Variants in SETBP1 observed in about 807,000 individuals in gnomAD.
SETBP1 encodes the protein SET binding protein 1.
A neutral mutation model predicts 101.0 loss-of-function variants in SETBP1; 9 were observed. The ratio of observed to expected loss-of-function variants is 0.09; its 90% CI spans 0.05 to 0.16. The LOEUF (loss-of-function observed/expected upper bound fraction) is 0.16. Ranked by LOEUF, SETBP1 falls within the 10% of genes least tolerant of loss-of-function variation. The pLI, the probability that SETBP1 is intolerant of heterozygous loss-of-function variation, is 1.00. For synonymous variants in SETBP1, 818 were observed against 788.5 expected (o/e 1.04, Z -0.63); for missense variants, 1,858 against 2,033.8 (o/e 0.91, Z 1.66).
chr18:44,723,929 C>A (rs1466251986), intron 2 of SETBP1, among the ~76,000 whole-genome samples: 1 of 152,198 alleles, frequency 6.6e-6, no homozygotes, highest in Non-Finnish European at 1.5e-5. Flanking sequence ...ATTTACCCTG[C>A]ATAATGCTGC....
intron 1 of SETBP1, among the ~76,000 whole-genome samples, chr18:44,686,098 C>T (rs572570666): frequency 6.6e-6 from 1 of 152,354 alleles, no homozygotes; most frequent in East Asian, 1.9e-4. Context: ...TTTCTAGCCC[C>T]TCTAAAGAAA....
At chr18:44,855,674 G>A (rs1348656958) in intron 2 of SETBP1, among the ~76,000 whole-genome samples, 2 of 152,190 alleles carry the variant, frequency 1.3e-5, no homozygotes, top group Admixed American at 6.5e-5. Flanking sequence ...ATGGAAATTG[G>A]CAAATGCCTC....
chr18:44,753,792 A>T (rs546964832), intron 2 of SETBP1, among the ~76,000 whole-genome samples: 1 of 152,344 alleles, frequency 6.6e-6, no homozygotes, highest in Non-Finnish European at 1.5e-5. Context: ...TGAGGGAGGA[A>T]GGAAAAAGAC....
chr18:44,988,417 C>T lies in SETBP1; in HGVS notation c.4000+35077C>T, dbSNP rs889052615. 3.3e-5 allele frequency: 5 copies of T among 152,308 alleles called. No individual in the cohort carries two copies. In the East Asian group the frequency reaches 9.6e-4, roughly 29 times the overall value. The allele number at this position is 152,308 out of a possible 1,614,324, so 9.4% of individuals were successfully genotyped here. ...ATAAAAGGTTTCTGTTTACAAGATA[C>T]AGCAGGCAAGAAATACTTCAAAACC... On this transcript the variant is annotated intron_variant, in intron 4 of 5. Transcript: ENST00000649279.
intron 2 of SETBP1, among the ~76,000 whole-genome samples, chr18:44,839,813 G>T (rs1432385685): frequency 6.6e-6 from 1 of 152,148 alleles, no homozygotes; most frequent in Non-Finnish European, 1.5e-5. Context: ...ATGAATAGAT[G>T]GACAGATAAA....
intron 2 of SETBP1, among the ~76,000 whole-genome samples, chr18:44,728,775 G>C (rs2069769383): frequency 6.6e-6 from 1 of 152,160 alleles, no homozygotes; most frequent in South Asian, 2.1e-4. Flanking sequence ...AGGAGAACAG[G>C]CATTCCAGGA....
chr18:44,924,060 A>G (rs1358362147), intron 3 of SETBP1, among the ~76,000 whole-genome samples: 1 of 152,040 alleles, frequency 6.6e-6, no homozygotes, highest in Non-Finnish European at 1.5e-5. Context: ...AAAAATCCCT[A>G]CAGTCATCTT....
intron 4 of SETBP1, among the ~76,000 whole-genome samples, chr18:44,997,716 C>A (rs1470885613): frequency 1.3e-5 from 2 of 152,204 alleles, no homozygotes; most frequent in African/African-American, 4.8e-5. Flanking sequence ...CTGGCATCTT[C>A]TAAGCCATAC....
chr18:44,799,338 C>G (rs1299005419), intron 2 of SETBP1, among the ~76,000 whole-genome samples: 1 of 152,072 alleles, frequency 6.6e-6, no homozygotes, highest in African/African-American at 2.4e-5. Flanking sequence ...CCCACCTAAA[C>G]TTGGCCTTGT....
Position 44,701,551 on chromosome 18 carries a change from G to T in SETBP1, c.205G>T (p.Val69Leu), listed in dbSNP as rs2069116618. The change falls in exon 2 of 6, where the codon GTG becomes TTG. Residue 69 changes from valine (V) to leucine (L), a missense_variant. Transcript: ENST00000649279. Reference sequence around the variant, plus strand: ...GGATGAACTAGGCTCAGGGCGGGATGTGGATTCCAACTCCAACGCGGACAG... The same window carrying T: ...GGATGAACTAGGCTCAGGGCGGGATTTGGATTCCAACTCCAACGCGGACAG... ...EEDELGSGRD[V>L]DSNSNADSEK... 6.2e-7 allele frequency: 1 copy of T among 1,614,208 alleles called. No individual in the cohort carries two copies.
intron 2 of SETBP1, among the ~76,000 whole-genome samples, chr18:44,791,162 G>A (rs1024808013): frequency 1.4e-4 from 22 of 152,066 alleles, no homozygotes; most frequent in African/African-American, 5.1e-4. Flanking sequence ...GAGATATTTG[G>A]TAAAGTCTGG....
At chr18:44,743,017 C>A (rs1232656077) in intron 2 of SETBP1, among the ~76,000 whole-genome samples, 2 of 150,944 alleles carry the variant, frequency 1.3e-5, no homozygotes, top group Non-Finnish European at 3.0e-5. Context: ...CTTCCTCCTT[C>A]CCTTCCTGCC....
intron 2 of SETBP1, among the ~76,000 whole-genome samples, chr18:44,738,761 G>T (rs2360637): frequency 7.3e-6 from 1 of 137,754 alleles, no homozygotes; most frequent in Non-Finnish European, 1.5e-5. Context: ...GTGACAGAGC[G>T]AGACTCCATC....
chr18:44,872,571 C>T (rs1343981369), intron 3 of SETBP1, among the ~76,000 whole-genome samples: 1 of 152,236 alleles, frequency 6.6e-6, no homozygotes. Context: ...AGGCTGAGAT[C>T]TCCAGGAGCA....
At chr18:45,003,755 A>G (rs2072666907) in intron 4 of SETBP1, among the ~76,000 whole-genome samples, 1 of 151,710 alleles carries the variant, frequency 6.6e-6, no homozygotes. Flanking sequence ...CACAAGGTCT[A>G]GTTGCATAGG....
At chr18:44,914,934 G>A (rs567214655) in intron 3 of SETBP1, among the ~76,000 whole-genome samples, 10 of 151,890 alleles carry the variant, frequency 6.6e-5, no homozygotes, top group South Asian at 2.1e-4. Flanking sequence ...TAAAATCAAC[G>A]CTTATTTTAA....
At chr18:44,808,370 C>A (rs775814523) in intron 2 of SETBP1, among the ~76,000 whole-genome samples, 36 of 152,188 alleles carry the variant, frequency 2.4e-4, no homozygotes, top group Admixed American at 2.0e-3. Context: ...ATTTTCAAGT[C>A]TTCACTAGTT....
rs145339128 is a variant in SETBP1 at position 44,745,165 on chromosome 18, A to G, written c.486+43333A>G. Among the ~76,000 whole-genome samples the G allele has an allele frequency of 6.4e-4, 98 of 152,242 alleles. 1 individual carries two copies. Among genetic ancestry groups the G allele is most frequent in the African/African-American group, 2.3e-3 (94 of 41,522 alleles). On this transcript the variant is annotated intron_variant, in intron 2 of 5. Coordinates refer to ENST00000649279, the MANE Select transcript of SETBP1 (RefSeq NM_015559.3). ...TTGGGTAGAATCTCTTCTCCTTGTG[A>G]AGCTCTCAGAGCCCCCACCCCTTTC...
At chr18:44,760,518 C>T (rs936801697) in intron 2 of SETBP1, among the ~76,000 whole-genome samples, 3 of 152,164 alleles carry the variant, frequency 2.0e-5, no homozygotes, top group African/African-American at 4.8e-5. Context: ...GACTGAAGCC[C>T]AGTGCATTTT....
Sources: gnomAD v4.1 joint callset for allele counts (sites outside exome capture counted in the v4.1 genomes callset) on GRCh38, gnomAD v4.1.1 for gene constraint, MANE v1.5 for transcripts, NCBI Gene and HGNC (gene_info 2026-07-23, HGNC 2026-07-21) for gene names.